Variants in KIAA1328 observed in about 807,000 individuals in gnomAD.
The protein encoded by KIAA1328 is protein hinderin.
KIAA1328 carries 52 observed loss-of-function variants against 68.1 expected under a neutral mutation model. That is an observed-to-expected ratio of 0.76 (90% CI 0.61 to 0.96). The LOEUF is 0.96. KIAA1328 is among the 40% of genes least tolerant of loss of function. The probability of loss-of-function intolerance (pLI) is 0.00; values close to 1 mark genes in which losing one functional copy is unlikely to be tolerated. For synonymous variants in KIAA1328, 232 were observed against 239.4 expected (o/e 0.97, Z 0.28); for missense variants, 641 against 677.6 (o/e 0.95, Z 0.60).
At chr18:37,140,167 G>A (rs1019160810) in intron 7 of KIAA1328, among the ~76,000 whole-genome samples, 5 of 152,018 alleles carry the variant, frequency 3.3e-5, no homozygotes, top group Non-Finnish European at 7.4e-5. Context: ...AGTCTCAGAG[G>A]TCTAGGCTAG....
chr18:37,207,262 T>C (rs2060233338), intron 9 of KIAA1328, among the ~76,000 whole-genome samples: 1 of 152,194 alleles, frequency 6.6e-6, no homozygotes, highest in Non-Finnish European at 1.5e-5. Context: ...CAATTGTGCA[T>C]GCAAATAAAT....
chr18:36,900,281 T>C (rs891908387), intron 5 of KIAA1328, among the ~76,000 whole-genome samples: 3 of 151,998 alleles, frequency 2.0e-5, no homozygotes, highest in African/African-American at 4.8e-5. Context: ...ATGATAGTGT[T>C]GGAAGTACTG....
chr18:37,004,638 T>C (rs1012552929), intron 6 of KIAA1328, among the ~76,000 whole-genome samples: 1 of 152,114 alleles, frequency 6.6e-6, no homozygotes, highest in Non-Finnish European at 1.5e-5. Flanking sequence ...AAAACACTTC[T>C]ATACTGTTGG....
At chr18:36,954,843 C>G (rs2051339391) in intron 5 of KIAA1328, among the ~76,000 whole-genome samples, 1 of 151,184 alleles carries the variant, frequency 6.6e-6, no homozygotes, top group African/African-American at 2.4e-5. Flanking sequence ...TACAGGCGCC[C>G]ACCACCATGC....
rs2058545663 is a variant in KIAA1328 at position 37,132,470 on chromosome 18, G to A, written c.1233-27730G>A. Among the ~76,000 whole-genome samples, 2 of 152,268 alleles carry A rather than the reference G, an allele frequency of 1.3e-5. 1 individual carries two copies. The highest frequency in any genetic ancestry group is 4.1e-4 in the South Asian group (2 of 4,826). ...TGGGTTATTTTTGTAATGCACATTG[G>A]TCAGGTGAGGTTTACGTCCATCTAT... On this transcript the variant is annotated intron_variant, in intron 7 of 9. Transcript: ENST00000280020.
intron 4 of KIAA1328, among the ~76,000 whole-genome samples, chr18:36,883,860 T>A (rs796158406): frequency 4.6e-5 from 7 of 151,852 alleles, no homozygotes; most frequent in African/African-American, 1.7e-4. Context: ...TTGGTATGGC[T>A]TTTGCCTAAA....
At chr18:36,989,143 A>G (rs1278572703) in intron 6 of KIAA1328, among the ~76,000 whole-genome samples, 1 of 152,164 alleles carries the variant, frequency 6.6e-6, no homozygotes, top group African/African-American at 2.4e-5. Context: ...TTCAGCCTGA[A>G]TACTTTGTCA....
chr18:37,011,152 G>A (rs1468896798), intron 6 of KIAA1328, among the ~76,000 whole-genome samples: 4 of 152,026 alleles, frequency 2.6e-5, no homozygotes, highest in East Asian at 3.9e-4. Context: ...ATAGGAAACC[G>A]TATGTTAGTA....
chr18:36,847,371 C>T (rs1009925900), intron 4 of KIAA1328, among the ~76,000 whole-genome samples: 1 of 151,548 alleles, frequency 6.6e-6, no homozygotes, highest in Non-Finnish European at 1.5e-5. Context: ...CCACTAGCAA[C>T]TTATGTGAGT....
At chr18:36,853,781 C>G (rs2047293815) in intron 4 of KIAA1328, among the ~76,000 whole-genome samples, 1 of 152,122 alleles carries the variant, frequency 6.6e-6, no homozygotes, top group Non-Finnish European at 1.5e-5. Context: ...GCGTCAGCCT[C>G]CCGCGTAGCT....
chr18:37,197,260 T>G (rs563859094), intron 9 of KIAA1328, among the ~76,000 whole-genome samples: 27 of 152,250 alleles, frequency 1.8e-4, no homozygotes, highest in African/African-American at 6.0e-4. Context: ...TTATCTTTTT[T>G]AAAAACCTAC....
intron 6 of KIAA1328, among the ~76,000 whole-genome samples, chr18:36,998,283 C>T (rs1194999278): frequency 2.0e-5 from 3 of 152,164 alleles, no homozygotes; most frequent in Admixed American, 2.0e-4. Flanking sequence ...TGGTACCAAC[C>T]TATAAGCGCC....
intron 7 of KIAA1328, among the ~76,000 whole-genome samples, chr18:37,113,082 T>C (rs937094776): frequency 3.9e-5 from 6 of 152,110 alleles, no homozygotes; most frequent in African/African-American, 1.4e-4. Context: ...TGGAAAATAC[T>C]CTTCAGGATA....
rs191791831 is a variant in KIAA1328, at chr18:37,070,645, A to G, written c.1232+3100A>G. Among the ~76,000 whole-genome samples, 219 of 150,314 alleles carry G rather than the reference A, an allele frequency of 1.5e-3. 3 individuals carry two copies. Among genetic ancestry groups the G allele is most frequent in the Admixed American group, 0.013 (202 of 14,996 alleles). ...GAGTGCAGTGGCACCATGTTGGCTC[A>G]CTGCAACCTCCGTCTCCTGGGTTCA... On this transcript the variant is annotated intron_variant, in intron 7 of 9. Coordinates refer to ENST00000280020, the MANE Select transcript of KIAA1328 (RefSeq NM_020776.3).
rs2054013172 is a variant in KIAA1328, at chr18:37,012,549, C to G, written c.576+53114C>G. ...GTGGAATATATGATTTATAGATTCC[C>G]AAATTTTATAATTATATGGAGGGAA... On this transcript the variant is annotated intron_variant, in intron 6 of 9. Coordinates refer to ENST00000280020, the MANE Select transcript of KIAA1328 (RefSeq NM_020776.3). 2.0e-5 allele frequency among the ~76,000 whole-genome samples: 3 copies of G among 152,108 alleles called. No individual in the cohort carries two copies. The South Asian group carries it at 6.2e-4, about 32-fold the overall frequency.
At chr18:37,038,278 TG>T (rs932607630) in intron 6 of KIAA1328, among the ~76,000 whole-genome samples, 3 of 152,130 alleles carry the variant, frequency 2.0e-5, no homozygotes, top group African/African-American at 7.2e-5. Context: ...AGAAATAACT[TG>T]GGGCTGCTTT....
chr18:37,164,255 A>G (rs1052044233), intron 8 of KIAA1328, among the ~76,000 whole-genome samples: 1 of 152,272 alleles, frequency 6.6e-6, no homozygotes, highest in Non-Finnish European at 1.5e-5. Flanking sequence ...ATGAATTAAC[A>G]TAACATTGTA....
chr18:36,969,233 G>A (rs1165714496), intron 6 of KIAA1328, among the ~76,000 whole-genome samples: 2 of 151,982 alleles, frequency 1.3e-5, no homozygotes, highest in Non-Finnish European at 2.9e-5. Context: ...AAGAACTAGA[G>A]AAGCAAGAGC....
chr18:36,914,743 T>A (rs1277621849), intron 5 of KIAA1328, among the ~76,000 whole-genome samples: 2 of 151,836 alleles, frequency 1.3e-5, no homozygotes, highest in East Asian at 1.9e-4. Flanking sequence ...GATAAAAAAA[T>A]ATATATATTA....
Sources: gnomAD v4.1 joint callset for allele counts (sites outside exome capture counted in the v4.1 genomes callset) on GRCh38, gnomAD v4.1.1 for gene constraint, MANE v1.5 for transcripts, NCBI Gene and HGNC (gene_info 2026-07-23, HGNC 2026-07-21) for gene names.